The following ZNF398 variants were observed in gnomAD, a reference collection of about 807,000 sequenced individuals.
ZNF398 encodes zinc finger DNA binding protein ZER6.
ZNF398 carries 18 observed loss-of-function variants against 41.9 expected under a neutral mutation model. The observed-to-expected ratio is 0.43, with a 90% CI of 0.30 to 0.64. ZNF398 has a LOEUF of 0.64. Ranked by LOEUF, ZNF398 falls within the 30% of genes least tolerant of loss-of-function variation. The probability of loss-of-function intolerance (pLI) is 0.14; values close to 1 mark genes in which losing one functional copy is unlikely to be tolerated. For synonymous variants in ZNF398, 260 were observed against 308.8 expected (o/e 0.84, Z 1.66); for missense variants, 669 against 822.8 (o/e 0.81, Z 2.29).
At chr7:149,141,019 G>A (rs978655975) in intron 2 of ZNF398, among the ~76,000 whole-genome samples, 4 of 137,338 alleles carry the variant, frequency 2.9e-5, no homozygotes, top group African/African-American at 1.1e-4. Context: ...CAGCCTGCGC[G>A]ACAGAGGCAC....
chr7:149,149,592 C>A (rs1311893388), intron 1 of ZNF398, among the ~76,000 whole-genome samples: 2 of 152,124 alleles, frequency 1.3e-5, no homozygotes, highest in African/African-American at 4.8e-5. Context: ...ATCCCAAGCA[C>A]TTCAGGAGGC....
upstream of ZNF398, among the ~76,000 whole-genome samples, chr7:149,145,639 G>A (rs1045994379): frequency 2.6e-5 from 4 of 152,180 alleles, no homozygotes; most frequent in Non-Finnish European, 5.9e-5. Flanking sequence ...GGATGAGCAT[G>A]AGAATGTAGT....
At chr7:149,157,715 G>A (rs1211536704) in intron 2 of ZNF398, among the ~76,000 whole-genome samples, 1 of 151,804 alleles carries the variant, frequency 6.6e-6, no homozygotes, top group African/African-American at 2.4e-5. Context: ...GCGCTCGCCT[G>A]TAGTCCCAGC....
chr7:149,138,872 C>T (rs1826766691), intron 2 of ZNF398, among the ~76,000 whole-genome samples: 1 of 151,688 alleles, frequency 6.6e-6, no homozygotes, highest in Non-Finnish European at 1.5e-5. Flanking sequence ...ATCTCAGCCT[C>T]CTGAGTAGCT....
intron 2 of ZNF398, among the ~76,000 whole-genome samples, chr7:149,165,868 C>T (rs1441694531): frequency 6.6e-6 from 1 of 152,164 alleles, no homozygotes; most frequent in African/African-American, 2.4e-5. Flanking sequence ...GAAGTTTTAA[C>T]ATACATGGTA....
At chr7:149,152,496 G>A (rs559422468) in intron 1 of ZNF398, among the ~76,000 whole-genome samples, 2 of 150,948 alleles carry the variant, frequency 1.3e-5, no homozygotes, top group African/African-American at 4.9e-5. Context: ...TCCTGACCTC[G>A]TGATCCACCC....
Position 149,182,669 on chromosome 7 carries a change from TG to T in ZNF398, c.*2870del, listed in dbSNP as rs1283036252. The T allele has an allele frequency of 6.6e-6, 1 of 152,118 alleles. No individual in the cohort carries two copies. The highest frequency in any genetic ancestry group is 1.9e-4 in the East Asian group (1 of 5,196). The allele number at this position is 152,118 out of a possible 1,614,324, so 9.4% of individuals were successfully genotyped here. Reference sequence around the variant, plus strand: ...ACACATAAGCACCATTCCCTTAGAGTGGATCCAGGTGTTGACTATAACCAGA... The same window carrying T: ...ACACATAAGCACCATTCCCTTAGAGTGATCCAGGTGTTGACTATAACCAGA... On this transcript the variant is annotated 3_prime_UTR_variant, in exon 6 of 6. Coordinates refer to ENST00000475153, the MANE Select transcript of ZNF398 (RefSeq NM_170686.3).
chr7:149,169,351 C>T (rs776826818), intron 4 of ZNF398, among the ~76,000 whole-genome samples: 3 of 152,184 alleles, frequency 2.0e-5, no homozygotes, highest in Non-Finnish European at 2.9e-5. Context: ...TCCTAAATTG[C>T]TGGGATTACA....
At chr7:149,150,339 C>A (rs1827080567) in intron 1 of ZNF398, among the ~76,000 whole-genome samples, 1 of 152,176 alleles carries the variant, frequency 6.6e-6, no homozygotes, top group African/African-American at 2.4e-5. Context: ...TGGCTCACAC[C>A]TGTAATCCCA....
chr7:149,175,729 G>A (rs1339170471), intron 4 of ZNF398, among the ~76,000 whole-genome samples: 1 of 152,124 alleles, frequency 6.6e-6, no homozygotes, highest in East Asian at 1.9e-4. Context: ...TTGTTGCCCA[G>A]GCTGGAGTGC....
chr7:149,172,714 C>T (rs1178877699), intron 4 of ZNF398, among the ~76,000 whole-genome samples: 1 of 152,116 alleles, frequency 6.6e-6, no homozygotes, highest in Non-Finnish European at 1.5e-5. Context: ...GTTACGGCCA[C>T]AGTGTGTGAT....
chr7:149,159,122 G>A (rs1333864103), intron 2 of ZNF398, among the ~76,000 whole-genome samples: 2 of 151,302 alleles, frequency 1.3e-5, no homozygotes, highest in Admixed American at 1.3e-4. Context: ...GAGATTACAG[G>A]TGTGTACCAC....
intron 2 of ZNF398, among the ~76,000 whole-genome samples, chr7:149,159,493 A>C (rs1216490068): frequency 6.6e-6 from 1 of 151,332 alleles, no homozygotes; most frequent in African/African-American, 2.4e-5. Flanking sequence ...AAAAATACAA[A>C]AAAAATTAGC....
At chr7:149,177,826 A>T (rs1795493160) in intron 5 of ZNF398, among the ~76,000 whole-genome samples, 1 of 152,204 alleles carries the variant, frequency 6.6e-6, no homozygotes, top group Non-Finnish European at 1.5e-5. Context: ...GTTTCTTAAC[A>T]GATAGCATAG....
chr7:149,166,739 A>G (rs1795232783), intron 3 of ZNF398, 78 bp from the exon 4 acceptor site: 1 of 960,650 alleles, frequency 1.0e-6, no homozygotes, highest in African/African-American at 1.6e-5. Flanking sequence ...ACAAAGCTTC[A>G]GCTCAGCCTT....
intron 2 of ZNF398, among the ~76,000 whole-genome samples, chr7:149,161,386 C>G (rs777872630): frequency 6.6e-6 from 1 of 152,084 alleles, no homozygotes; most frequent in South Asian, 2.1e-4. Context: ...AGACCCATCC[C>G]TACAAAAATT....
chr7:149,181,282 A>T lies in ZNF398; in HGVS notation c.*1481A>T, dbSNP rs1795583967. The T allele has an allele frequency of 6.6e-6, 1 of 152,432 alleles. No homozygotes were observed. The highest frequency in any genetic ancestry group is 1.5e-5 in the Non-Finnish European group (1 of 68,044). 9.4% of individuals were successfully genotyped at this position (152,432 alleles called of 1,614,324 possible). A position where few individuals can be genotyped will look rare whatever the true frequency, so the allele number is the denominator to read the frequency against. On this transcript the variant is annotated 3_prime_UTR_variant, in exon 6 of 6. Transcript: ENST00000475153. ...AAATAAGACAGCAAAGTCAAAGCAGATAAATTCTTGTTGAAACTTGACTAA... is the reference window on the plus strand; with the variant it reads ...AAATAAGACAGCAAAGTCAAAGCAGTTAAATTCTTGTTGAAACTTGACTAA...
Position 149,166,939 on chromosome 7 carries a change from G to A in ZNF398, c.661+9G>A, listed in dbSNP as rs1373920059. The A allele has an allele frequency of 1.3e-6, 2 of 1,584,466 alleles. No homozygotes were observed. Among genetic ancestry groups the A allele is most frequent in the Middle Eastern group, 1.7e-4 (1 of 5,906 alleles). ...CACAGACCCCAGTGAAGGTAAGTGG[G>A]AGAAGAGATTCCTACTTCTTGTCTC... On this transcript the variant is annotated intron_variant, in intron 4 of 5. Transcript: ENST00000475153.
At chr7:149,145,549 C>T (rs964390039), upstream of ZNF398, among the ~76,000 whole-genome samples, 1 of 152,120 alleles carries the variant, frequency 6.6e-6, no homozygotes, top group Admixed American at 6.6e-5. Flanking sequence ...GTTTAAGGAT[C>T]GCTTAAGATG....
Sources: allele counts gnomAD v4.1 joint callset (sites outside exome capture counted in the v4.1 genomes callset), GRCh38; gene constraint gnomAD v4.1.1; transcripts MANE v1.5; gene names NCBI Gene and HGNC (gene_info 2026-07-23, HGNC 2026-07-21).